The following CDCA7L variants were observed in gnomAD, a reference collection of about 807,000 sequenced individuals.
The protein encoded by CDCA7L is cell division cycle-associated 7-like protein.
CDCA7L carries 44 observed loss-of-function variants against 57.4 expected under a neutral mutation model. The observed-to-expected ratio is 0.77, with a 90% confidence interval of 0.60 to 0.98. The LOEUF (loss-of-function observed/expected upper bound fraction) is 0.98. Ranked by LOEUF, CDCA7L falls within the 50% of genes least tolerant of loss-of-function variation. The probability of loss-of-function intolerance (pLI) is 0.00; values close to 1 mark genes in which losing one functional copy is unlikely to be tolerated. For missense variants in CDCA7L, 644 were observed against 580.6 expected (o/e 1.11, Z -1.12); for synonymous variants, 236 against 202.8 (o/e 1.16, Z -1.39).
In CDCA7L at chr7:21,911,774, A is replaced by G; in HGVS notation, c.166-20T>C. 1 of 1,606,996 alleles carries G rather than the reference A, an allele frequency of 6.2e-7. No homozygotes were observed. Among genetic ancestry groups the G allele is most frequent in the East Asian group, 2.2e-5 (1 of 44,844 alleles). Reference sequence around the variant, plus strand: ...ATCCTGCTAAATTAAAGACACACATACATCAGAGACGGAAAGTAGAATAGA... The same window carrying G: ...ATCCTGCTAAATTAAAGACACACATGCATCAGAGACGGAAAGTAGAATAGA... On this transcript the variant is annotated intron_variant, in intron 2 of 9. Transcript: ENST00000406877.
At position 21,901,167 on chromosome 7, in the gene CDCA7L, C is replaced by G. The variant is rs1489261617; in HGVS notation, c.*1155G>C. 1 of 1,611,666 alleles carries G rather than the reference C, an allele frequency of 6.2e-7. No homozygotes were observed. The highest frequency in any genetic ancestry group is 2.2e-5 in the East Asian group (1 of 44,878). On this transcript the variant is annotated 3_prime_UTR_variant, in exon 10 of 10. Coordinates refer to ENST00000406877, the MANE Select transcript of CDCA7L (RefSeq NM_018719.5). ...TGTATAGAACCAAACTGAGAGGCCC[C>G]AGCTACATCTGGACCTTCAGGCTGA...
chr7:21,917,502 T>C (rs747681667), intron 1 of CDCA7L, among the ~76,000 whole-genome samples: 16 of 152,232 alleles, frequency 1.1e-4, no homozygotes, highest in Admixed American at 5.9e-4. Flanking sequence ...TCCACAAATA[T>C]GTATCTGCTG....
chr7:21,902,361 A>AAGATGAGAAGTATTTGGTAAAGT lies in CDCA7L; in HGVS notation c.1335-32_1335-10dup, dbSNP rs1784938130. The AAGATGAGAAGTATTTGGTAAAGT allele has an allele frequency of 6.2e-7, 1 of 1,613,552 alleles. No individual in the cohort carries two copies. Among genetic ancestry groups the AAGATGAGAAGTATTTGGTAAAGT allele is most frequent in the Non-Finnish European group, 8.5e-7 (1 of 1,179,674 alleles). On this transcript the variant is annotated splice_polypyrimidine_tract_variant and intron_variant, in intron 9 of 9. Transcript: ENST00000406877. Reference sequence around the variant, plus strand: ...CCAGCTCCTTTTGTAAGCTGGGAAAAAGATGAGAAGTATTTGGTAAAGTAG... The same window carrying AAGATGAGAAGTATTTGGTAAAGT: ...CCAGCTCCTTTTGTAAGCTGGGAAAAAGATGAGAAGTATTTGGTAAAGTAGATGAGAAGTATTTGGTAAAGTAG...
chr7:21,925,067 C>T (rs1162404599), intron 1 of CDCA7L, among the ~76,000 whole-genome samples: 3 of 151,990 alleles, frequency 2.0e-5, no homozygotes, highest in Admixed American at 1.3e-4. Flanking sequence ...AAGCTTGCTA[C>T]TTAAAAGAAG....
intron 1 of CDCA7L, among the ~76,000 whole-genome samples, chr7:21,923,546 T>A (rs533825046): frequency 5.3e-5 from 8 of 152,274 alleles, no homozygotes; most frequent in African/African-American, 1.9e-4. Flanking sequence ...AATTTTTCCT[T>A]CCTTAAGTGA....
intron 1 of CDCA7L, among the ~76,000 whole-genome samples, chr7:21,930,042 T>C (rs62445928): frequency 0.21 from 31,514 of 152,056 alleles, 3,921 homozygotes; most frequent in East Asian, 0.5. Flanking sequence ...ATCAGACTTA[T>C]TCTAAAATTG....
At chr7:21,931,520 C>T (rs1268124257) in intron 1 of CDCA7L, among the ~76,000 whole-genome samples, 2 of 152,128 alleles carry the variant, frequency 1.3e-5, no homozygotes, top group African/African-American at 4.8e-5. Context: ...GAACCAATGA[C>T]AAAAACCACA....
intron 9 of CDCA7L, chr7:21,902,636 C>T (rs955659453): frequency 1.9e-6 from 1 of 528,586 alleles, no homozygotes; most frequent in East Asian, 3.2e-5. Context: ...TGAACTCTCT[C>T]TCTGCACTAG....
At chr7:21,913,710 A>G (rs1351873455) in intron 2 of CDCA7L, among the ~76,000 whole-genome samples, 1 of 152,236 alleles carries the variant, frequency 6.6e-6, no homozygotes, top group African/African-American at 2.4e-5. Flanking sequence ...CAAGCCTTGA[A>G]GCTATGAGTT....
rs529799585 is a variant in CDCA7L at position 21,902,518 on chromosome 7, TAGTACGCCCCA to T, written c.1335-177_1335-167del. ...ATCAATATCCGTATACCCTCTGGTG[TAGTACGCCCCA>T]AGCATGACTTGCCTCACTCCCGCAT... On this transcript the variant is annotated intron_variant, in intron 9 of 9. Transcript: ENST00000406877. The T allele has an allele frequency of 2.2e-4, 142 of 659,704 alleles. No individual in the cohort carries two copies. The African/African-American group carries it at 2.2e-3, about 10-fold the overall frequency. The allele number at this position is 659,704 out of a possible 1,614,324, so 40.9% of individuals were successfully genotyped here.
intron 1 of CDCA7L, among the ~76,000 whole-genome samples, chr7:21,936,508 G>A (rs780885491): frequency 1.3e-5 from 2 of 151,956 alleles, no homozygotes; most frequent in South Asian, 2.1e-4. Flanking sequence ...AATGCAAAAT[G>A]GTTCAAACAC....
rs926466995 is a variant in CDCA7L at position 21,911,833 on chromosome 7, G to C, written c.166-79C>G. ...GGGAAGGGTAGAATGAGGAGCTACT[G>C]AACGGGTACAGAGCTTCTGATGGAG... On this transcript the variant is annotated intron_variant, in intron 2 of 9. Transcript: ENST00000406877. The C allele has an allele frequency of 2.4e-5, 33 of 1,374,584 alleles. No individual in the cohort carries two copies. The African/African-American group carries it at 3.3e-4, about 14-fold the overall frequency. The allele number at this position is 1,374,584 out of a possible 1,614,324, so 85.1% of individuals were successfully genotyped here.
At chr7:21,926,710 A>AG (rs2128065668) in intron 1 of CDCA7L, among the ~76,000 whole-genome samples, 1 of 151,972 alleles carries the variant, frequency 6.6e-6, no homozygotes, top group East Asian at 1.9e-4. Flanking sequence ...CTCAAAAAAA[A>AG]AAATGTTTTT....
Position 21,911,790 on chromosome 7 carries a change from G to A in CDCA7L, c.166-36C>T, listed in dbSNP as rs775662406. 2.5e-6 allele frequency: 4 copies of A among 1,594,952 alleles called. No homozygotes were observed. The Admixed American group carries it at 6.9e-5, about 28-fold the overall frequency. On this transcript the variant is annotated intron_variant, in intron 2 of 9. Coordinates refer to ENST00000406877, the MANE Select transcript of CDCA7L (RefSeq NM_018719.5). ...GACACACATACATCAGAGACGGAAA[G>A]TAGAATAGAGGTTACCAGGGAAGGG...
chr7:21,938,436 G>A (rs890193321), intron 1 of CDCA7L, among the ~76,000 whole-genome samples: 4 of 151,900 alleles, frequency 2.6e-5, no homozygotes, highest in African/African-American at 7.3e-5. Flanking sequence ...TGGAACACTC[G>A]TGCACTGCTT....
At chr7:21,902,658 C>T in intron 9 of CDCA7L, 1 of 499,334 alleles carries the variant, frequency 2.0e-6, no homozygotes, top group South Asian at 2.8e-5. Context: ...ATTATGGCTG[C>T]CTCTTCATAA....
Position 21,901,780 on chromosome 7 carries a change from G to GTTGA in CDCA7L, c.*538_*541dup. ...GCCTCCAGTGTCCAGTGTCTACAAT[G>GTTGA]TTGATGGTCCCCTTTTGTTCAGTCA... On this transcript the variant is annotated 3_prime_UTR_variant, in exon 10 of 10. Coordinates refer to ENST00000406877, the MANE Select transcript of CDCA7L (RefSeq NM_018719.5). 1 of 162,010 alleles carries GTTGA rather than the reference G, an allele frequency of 6.2e-6. No individual in the cohort carries two copies. The highest frequency in any genetic ancestry group is 1.7e-4 in the East Asian group (1 of 5,870). 10.0% of individuals were successfully genotyped at this position (162,010 alleles called of 1,614,324 possible). A position where few individuals can be genotyped will look rare whatever the true frequency, so the allele number is the denominator to read the frequency against.
At position 21,944,449 on chromosome 7, in the gene CDCA7L, C is replaced by CAAAA. The variant is rs59373889; in HGVS notation, c.24+1328_24+1331dup. Among the ~76,000 whole-genome samples the CAAAA allele has an allele frequency of 5.2e-4, 32 of 61,624 alleles. 1 individual carries two copies. The highest frequency in any genetic ancestry group is 2.2e-3 in the African/African-American group (25 of 11,154). 40.4% of individuals were successfully genotyped at this position (61,624 alleles called of 152,430 possible). ...CCGGACAAGAGCGAAACTCCGTCTC[C>CAAAA]AAAAAAAAAAAAAAAAAAAAAAGGA... On this transcript the variant is annotated intron_variant, in intron 1 of 9. Transcript: ENST00000406877.
chr7:21,944,608 C>A (rs1786455121), intron 1 of CDCA7L: 1 of 152,044 alleles, frequency 6.6e-6, no homozygotes, highest in East Asian at 1.9e-4. Flanking sequence ...TCAGAAACAT[C>A]AACAACAGAT....
Sources: allele counts gnomAD v4.1 joint callset (sites outside exome capture counted in the v4.1 genomes callset), GRCh38; gene constraint gnomAD v4.1.1; transcripts MANE v1.5; gene names NCBI Gene and HGNC (gene_info 2026-07-23, HGNC 2026-07-21).